KCNMA1: variants seen among roughly 807,000 people sequenced by gnomAD.
KCNMA1 encodes potassium calcium-activated channel subfamily M alpha 1.
Under a neutral mutation model 140.0 loss-of-function variants are expected in KCNMA1, and 29 were observed. The ratio of observed to expected loss-of-function variants is 0.21; its 90% confidence interval spans 0.15 to 0.28. The LOEUF is 0.28. Among genes scored for constraint, KCNMA1 ranks in the 10% least tolerant of loss-of-function variants. The pLI is 1.00. For synonymous variants in KCNMA1, 612 were observed against 611.9 expected (o/e 1.00, Z 0.00); for missense variants, 880 against 1,602.2 (o/e 0.55, Z 7.70).
chr10:77,529,996 C>T lies in KCNMA1; in HGVS notation c.378+107269G>A, dbSNP rs550812505. Among the ~76,000 whole-genome samples the T allele has an allele frequency of 2.4e-3, 371 of 152,356 alleles. 1 individual carries two copies. Among genetic ancestry groups the T allele is most frequent in the Non-Finnish European group, 4.5e-3 (307 of 68,032 alleles). ...AATTGAGACTCCGGGAGGTCAGGCGCATGCCCCGACAACAAAGCTAATAAT... is the reference window on the plus strand; with the variant it reads ...AATTGAGACTCCGGGAGGTCAGGCGTATGCCCCGACAACAAAGCTAATAAT... On this transcript the variant is annotated intron_variant, in intron 1 of 27. Transcript: ENST00000286628.
rs2093918737 is a variant in KCNMA1 at position 77,637,803 on chromosome 10, C to G, written c.-161G>C. On this transcript the variant is annotated 5_prime_UTR_variant, in exon 1 of 28. Transcript: ENST00000286628. ...CGGGGAGGCGCCTGGGCTCGGGGCG[C>G]TGTGCGCGACCTGGCGGGGTGCGCC... 8.2e-7 allele frequency: 1 copy of G among 1,219,612 alleles called. No individual in the cohort carries two copies. Among genetic ancestry groups the G allele is most frequent in the Non-Finnish European group, 1.0e-6 (1 of 972,740 alleles). 75.5% of individuals were successfully genotyped at this position (1,219,612 alleles called of 1,614,324 possible).
At chr10:77,236,926 A>C (rs477568) in intron 3 of KCNMA1, among the ~76,000 whole-genome samples, 121,156 of 152,182 alleles carry the variant, frequency 0.8, 48,905 homozygotes, top group East Asian at 0.94. Flanking sequence ...ATTATAGGTA[A>C]AAGCCACCAT....
At chr10:77,631,295 A>C (rs1422177536) in intron 1 of KCNMA1, among the ~76,000 whole-genome samples, 1 of 152,042 alleles carries the variant, frequency 6.6e-6, no homozygotes, top group African/African-American at 2.4e-5. Context: ...GGTTCCACCC[A>C]CCCAAGAAGC....
downstream of KCNMA1, among the ~76,000 whole-genome samples, chr10:76,882,222 T>C (rs2034960200): frequency 6.6e-6 from 1 of 152,122 alleles, no homozygotes; most frequent in South Asian, 2.1e-4. Context: ...AGTACTCCCT[T>C]GAGAAGATCG....
intron 19 of KCNMA1, among the ~76,000 whole-genome samples, chr10:76,976,535 T>C (rs1221604466): frequency 1.3e-5 from 2 of 152,292 alleles, no homozygotes; most frequent in Middle Eastern, 3.4e-3. Flanking sequence ...TAGAATCCAA[T>C]TGGGTAAATT....
intron 2 of KCNMA1, among the ~76,000 whole-genome samples, chr10:77,379,073 A>G (rs1207375921): frequency 6.6e-6 from 1 of 152,174 alleles, no homozygotes; most frequent in Non-Finnish European, 1.5e-5. Flanking sequence ...AGCATGTTTC[A>G]TTTGATGTTT....
intron 3 of KCNMA1, among the ~76,000 whole-genome samples, chr10:77,237,429 A>G (rs2154218328): frequency 6.6e-6 from 1 of 152,330 alleles, no homozygotes; most frequent in Non-Finnish European, 1.5e-5. Context: ...GGTGTTCACC[A>G]CTAGGCTCCT....
At chr10:76,948,159 C>A (rs1161092049) in intron 22 of KCNMA1, among the ~76,000 whole-genome samples, 2 of 152,022 alleles carry the variant, frequency 1.3e-5, no homozygotes, top group Admixed American at 6.6e-5. Flanking sequence ...CACACGCCAC[C>A]ACATCAGGCT....
intron 19 of KCNMA1, among the ~76,000 whole-genome samples, chr10:76,991,754 G>A (rs1483004439): frequency 6.6e-6 from 1 of 152,156 alleles, no homozygotes; most frequent in Non-Finnish European, 1.5e-5. Context: ...TTTGACCTTG[G>A]AGGGAGGGAA....
At chr10:77,162,176 C>G (rs529399977) in intron 5 of KCNMA1, among the ~76,000 whole-genome samples, 1 of 152,322 alleles carries the variant, frequency 6.6e-6, no homozygotes, top group East Asian at 1.9e-4. Flanking sequence ...ATCCTATGAG[C>G]AAAGACCTGT....
At chr10:77,193,484 TA>T (rs2039325263) in intron 3 of KCNMA1, among the ~76,000 whole-genome samples, 1 of 152,194 alleles carries the variant, frequency 6.6e-6, no homozygotes, top group Non-Finnish European at 1.5e-5. Context: ...CCCTTTTTTT[TA>T]GGGAACCCTT....
intron 2 of KCNMA1, among the ~76,000 whole-genome samples, chr10:77,298,564 G>A (rs1284400499): frequency 7.2e-5 from 11 of 152,048 alleles, no homozygotes; most frequent in Non-Finnish European, 1.5e-4. Flanking sequence ...TTAAATGGAT[G>A]TCTGGGCTGC....
chr10:77,611,207 A>T (rs865928270), intron 1 of KCNMA1, among the ~76,000 whole-genome samples: 3 of 152,220 alleles, frequency 2.0e-5, no homozygotes, highest in Middle Eastern at 3.2e-3. Flanking sequence ...GATACTGACA[A>T]TAATCCCTGG....
At chr10:76,884,861 C>A, downstream of KCNMA1, 10 of 1,323,950 alleles carry the variant, frequency 7.6e-6, no homozygotes, top group South Asian at 7.5e-5. Flanking sequence ...TAAAAATAAA[C>A]AAACCAATAA....
intron 1 of KCNMA1, among the ~76,000 whole-genome samples, chr10:77,464,217 G>A (rs1232772059): frequency 6.6e-6 from 1 of 152,192 alleles, no homozygotes; most frequent in Non-Finnish European, 1.5e-5. Flanking sequence ...CAGGATGAGT[G>A]AGGCTTGTTT....
chr10:77,032,152 T>C (rs1046464779), intron 15 of KCNMA1, among the ~76,000 whole-genome samples: 2 of 152,192 alleles, frequency 1.3e-5, no homozygotes, highest in African/African-American at 4.8e-5. Flanking sequence ...CAACAATTTG[T>C]CCTTGGGACC....
intron 1 of KCNMA1, among the ~76,000 whole-genome samples, chr10:77,554,633 AAAAG>A (rs1287409077): frequency 4.7e-5 from 7 of 147,448 alleles, no homozygotes; most frequent in East Asian, 3.9e-4. Flanking sequence ...GAAAGAAAAG[AAAAG>A]AAAGAAAGAG....
intron 19 of KCNMA1, among the ~76,000 whole-genome samples, chr10:76,997,123 A>G (rs1490512386): frequency 1.3e-5 from 2 of 152,136 alleles, no homozygotes; most frequent in African/African-American, 4.8e-5. Context: ...ACCAAAGGCT[A>G]CTCAGGATAA....
chr10:77,085,047 T>C (rs2096661248), intron 11 of KCNMA1, among the ~76,000 whole-genome samples: 2 of 152,184 alleles, frequency 1.3e-5, no homozygotes, highest in Non-Finnish European at 2.9e-5. Context: ...CCCACCTCCT[T>C]TCTCAACCAT....
Sources: gnomAD v4.1 joint callset for allele counts (sites outside exome capture counted in the v4.1 genomes callset) on GRCh38, gnomAD v4.1.1 for gene constraint, MANE v1.5 for transcripts, NCBI Gene and HGNC (gene_info 2026-07-23, HGNC 2026-07-21) for gene names.